The following WDR7 variants were observed in gnomAD, a reference collection of about 807,000 sequenced individuals.
WDR7 encodes the protein WD repeat domain 7, also known as WD repeat-containing protein 7.
A neutral mutation model predicts 169.4 loss-of-function variants in WDR7; 46 were observed. The ratio of observed to expected loss-of-function variants is 0.27; its 90% CI spans 0.21 to 0.35. WDR7 has a LOEUF of 0.35. Ranked by LOEUF, WDR7 falls within the 10% of genes least tolerant of loss-of-function variation. The pLI is 1.00. For missense variants in WDR7, 1,534 were observed against 1,859.3 expected (o/e 0.83, Z 3.22); for synonymous variants, 612 against 666.8 (o/e 0.92, Z 1.27).
At chr18:56,891,761 C>T (rs909594964) in intron 21 of WDR7, among the ~76,000 whole-genome samples, 1 of 151,990 alleles carries the variant, frequency 6.6e-6, no homozygotes, top group African/African-American at 2.4e-5. Flanking sequence ...TGGTAAAATA[C>T]ATTAGTTCTC....
Position 56,776,921 on chromosome 18 carries a change from CT to C in WDR7, c.2947+44del. The C allele has an allele frequency of 2.0e-6, 3 of 1,525,646 alleles. No individual in the cohort carries two copies. The African/African-American group carries it at 4.1e-5, about 21-fold the overall frequency. 94.5% of individuals were successfully genotyped at this position (1,525,646 alleles called of 1,614,324 possible). On this transcript the variant is annotated intron_variant, in intron 17 of 27. Coordinates refer to ENST00000254442, the MANE Select transcript of WDR7 (RefSeq NM_015285.3). ...TCTAACAACTTTCTCTCAATCTGTG[CT>C]TTATTCTGACAGACATGTTCTTTTT...
Position 56,757,115 on chromosome 18 carries a change from G to A in WDR7, c.2522G>A (p.Gly841Glu), listed in dbSNP as rs2043904107. 6.2e-7 allele frequency: 1 copy of A among 1,614,144 alleles called. No individual in the cohort carries two copies. The highest frequency in any genetic ancestry group is 8.5e-7 in the Non-Finnish European group (1 of 1,180,020). ...GTATCGTTTGGCCTCTTGTCAAGAG[G>A]AGGCCATATGTCACTGATGCTGCCG... ...CTVSFGLLSRGGHMSLMLPGY... is the reference protein window; with the variant it reads ...CTVSFGLLSREGHMSLMLPGY... The change falls in exon 15 of 28, where the codon GGA becomes GAA. Residue 841 changes from glycine to glutamate, a missense_variant. Gly to Glu is a moderately conservative substitution (Grantham distance 98). Transcript: ENST00000254442.
At chr18:56,726,565 G>T (rs1019241233) in intron 13 of WDR7, among the ~76,000 whole-genome samples, 1 of 152,006 alleles carries the variant, frequency 6.6e-6, no homozygotes, top group Non-Finnish European at 1.5e-5. Flanking sequence ...GAGACAATGG[G>T]GTTTTCTAGA....
At chr18:56,999,834 A>C (rs2047949694) in intron 26 of WDR7, among the ~76,000 whole-genome samples, 1 of 152,190 alleles carries the variant, frequency 6.6e-6, no homozygotes, top group Non-Finnish European at 1.5e-5. Context: ...GGACTGCTAG[A>C]AAACCCCCCT....
intron 21 of WDR7, among the ~76,000 whole-genome samples, chr18:56,904,664 G>C (rs531071562): frequency 6.6e-6 from 1 of 152,210 alleles, no homozygotes; most frequent in East Asian, 1.9e-4. Context: ...CTTCCTGACA[G>C]AAAGAAAGAA....
At chr18:56,778,947 A>G (rs1348692214) in intron 17 of WDR7, among the ~76,000 whole-genome samples, 1 of 152,198 alleles carries the variant, frequency 6.6e-6, no homozygotes, top group Non-Finnish European at 1.5e-5. Context: ...AGGTCCTCTG[A>G]CAGAAATGGA....
chr18:56,708,676 T>C (rs1240021117), intron 12 of WDR7, among the ~76,000 whole-genome samples: 7 of 152,154 alleles, frequency 4.6e-5, no homozygotes, highest in Non-Finnish European at 1.5e-5. Context: ...GGCTGACGCC[T>C]GTGATCCCAG....
intron 20 of WDR7, among the ~76,000 whole-genome samples, chr18:56,868,346 A>G (rs910545350): frequency 1.3e-5 from 2 of 152,170 alleles, no homozygotes; most frequent in African/African-American, 4.8e-5. Context: ...GAAGTAGAGC[A>G]AGGCCTTTTT....
chr18:56,951,513 C>T (rs1243919645), intron 25 of WDR7, among the ~76,000 whole-genome samples: 1 of 152,154 alleles, frequency 6.6e-6, no homozygotes, highest in Non-Finnish European at 1.5e-5. Context: ...TTCTTCTCAG[C>T]AACCCTAAGC....
intron 26 of WDR7, among the ~76,000 whole-genome samples, chr18:57,005,281 C>G (rs963514817): frequency 1.1e-4 from 16 of 151,988 alleles, no homozygotes; most frequent in African/African-American, 3.9e-4. Context: ...TAATAATCTT[C>G]CTTTTTTAAA....
intron 12 of WDR7, among the ~76,000 whole-genome samples, chr18:56,700,632 C>T (rs1261623675): frequency 7.4e-5 from 10 of 135,812 alleles, no homozygotes; most frequent in Non-Finnish European, 1.3e-4. Context: ...TGCAGTGGCG[C>T]GATCTCGGCT....
At chr18:56,883,946 CAATTGCT>C (rs755259827) in intron 21 of WDR7, among the ~76,000 whole-genome samples, 19 of 152,100 alleles carry the variant, frequency 1.2e-4, no homozygotes, top group Non-Finnish European at 2.1e-4. Flanking sequence ...CATATTTTTG[CAATTGCT>C]AATTGTGCTG....
intron 14 of WDR7, among the ~76,000 whole-genome samples, chr18:56,749,625 C>T (rs1401835279): frequency 1.3e-5 from 2 of 151,936 alleles, no homozygotes; most frequent in African/African-American, 4.8e-5. Flanking sequence ...ACTCAGTGCT[C>T]ATTCAAGATA....
chr18:56,815,267 CT>C (rs768222179), intron 19 of WDR7, among the ~76,000 whole-genome samples: 4 of 151,978 alleles, frequency 2.6e-5, no homozygotes, highest in South Asian at 2.1e-4. Flanking sequence ...TGAGAAATAC[CT>C]TTTGATAACC....
intron 14 of WDR7, among the ~76,000 whole-genome samples, chr18:56,741,406 C>G (rs2043620382): frequency 6.6e-6 from 1 of 152,166 alleles, no homozygotes; most frequent in Non-Finnish European, 1.5e-5. Flanking sequence ...TGCCACTCTT[C>G]TAGTTTATGA....
At position 56,800,517 on chromosome 18, in the gene WDR7, A is replaced by T. The variant is rs563977963; in HGVS notation, c.3191-15514A>T. Among the ~76,000 whole-genome samples, 11 of 151,906 alleles carry T rather than the reference A, an allele frequency of 7.2e-5. No homozygotes were observed. In the South Asian group the frequency reaches 1.7e-3, roughly 23 times the overall value. On this transcript the variant is annotated intron_variant, in intron 19 of 27. Transcript: ENST00000254442. ...GAGACATAATTTGTGTTCCATTGTG[A>T]TATTGAACCATATAGTCTTCATAAA...
intron 13 of WDR7, 74 bp downstream of exon 13, chr18:56,718,233 T>C: frequency 7.4e-7 from 1 of 1,358,020 alleles, no homozygotes; most frequent in Non-Finnish European, 9.7e-7. Flanking sequence ...GAAAATGTCT[T>C]TTATATGAAG....
chr18:56,905,623 CTATA>C (rs10563010), intron 21 of WDR7, among the ~76,000 whole-genome samples: 81 of 146,894 alleles, frequency 5.5e-4, no homozygotes, highest in East Asian at 9.9e-4. Context: ...TATTATGAAA[CTATA>C]TATATATATA....
intron 26 of WDR7, among the ~76,000 whole-genome samples, chr18:56,989,338 C>T (rs1046343336): frequency 6.6e-6 from 1 of 152,126 alleles, no homozygotes; most frequent in South Asian, 2.1e-4. Context: ...AAGCTCCTCA[C>T]AAAATTTCCA....
Sources: gnomAD v4.1 joint callset for allele counts (sites outside exome capture counted in the v4.1 genomes callset) on GRCh38, gnomAD v4.1.1 for gene constraint, MANE v1.5 for transcripts, NCBI Gene and HGNC (gene_info 2026-07-23, HGNC 2026-07-21) for gene names.